The following ANKFY1 variants were observed in gnomAD, a reference collection of about 807,000 sequenced individuals.
ANKFY1 encodes ankyrin repeat and FYVE domain-containing protein 1.
In ANKFY1, 47 loss-of-function variants were observed where a neutral mutation model predicts 128.3. That is an observed-to-expected ratio of 0.37 (90% CI 0.29 to 0.47). ANKFY1 has a LOEUF of 0.47. Among genes scored for constraint, ANKFY1 ranks in the 20% least tolerant of loss-of-function variants. ANKFY1 has a pLI of 1.00. For missense variants in ANKFY1, 1,222 were observed against 1,510.6 expected, an observed-to-expected ratio of 0.81 and a Z score of 3.17; for synonymous variants, 553 against 601.6, an observed-to-expected ratio of 0.92 and a Z score of 1.18.
intron 3 of ANKFY1, among the ~76,000 whole-genome samples, chr17:4,225,040 G>A (rs1346344730): frequency 6.9e-6 from 1 of 145,070 alleles, no homozygotes; most frequent in African/African-American, 2.5e-5. Context: ...AAAATTAAAG[G>A]ATTTGTTTTA....
chr17:4,223,399 G>A lies in ANKFY1; in HGVS notation c.323-6281C>T, dbSNP rs1013251462. 1.2e-5 allele frequency: 19 copies of A among 1,568,366 alleles called. No individual in the cohort carries two copies. The East Asian group carries it at 2.0e-4, about 17-fold the overall frequency. On this transcript the variant is annotated intron_variant, in intron 3 of 24. Coordinates refer to ENST00000341657, the MANE Select transcript of ANKFY1 (RefSeq NM_001330063.2). ...GTGGAATGAGCTACCTGGCCAGAACGGAAGTCATCCACAAAGACCTGGCTG... is the reference window on the plus strand; with the variant it reads ...GTGGAATGAGCTACCTGGCCAGAACAGAAGTCATCCACAAAGACCTGGCTG...
At chr17:4,170,660 G>T in intron 23 of ANKFY1, 55 bp downstream of exon 23, 1 of 1,556,128 alleles carries the variant, frequency 6.4e-7, no homozygotes, top group Non-Finnish European at 8.7e-7. Context: ...AATACATGGC[G>T]ATCCCAACAC....
chr17:4,186,252 A>G lies in ANKFY1; in HGVS notation c.1471-1206T>C, dbSNP rs564541918. ...TCTGCCTGCAGTACGGCGCTTGCAT[A>G]AGGTGCCTGCCCTCATCAGAGTTAT... is the stretch of plus-strand genomic sequence containing the variant. On this transcript the variant is annotated intron_variant, in intron 11 of 24. Transcript: ENST00000341657. The G allele has an allele frequency of 3.9e-4, 60 of 152,582 alleles. 1 individual carries two copies. The highest frequency in any genetic ancestry group is 1.2e-3 in the African/African-American group (49 of 41,562). 9.5% of individuals were successfully genotyped at this position (152,582 alleles called of 1,614,324 possible).
rs553041541 is a variant in ANKFY1, at chr17:4,233,367, T to TA, written c.322+2404dup. ...TACATGGTTTCAAAACACTATGCTT[T>TA]AAAAAAAAAAAAAGCTATCCCTCGA... On this transcript the variant is annotated intron_variant, in intron 3 of 24. Transcript: ENST00000341657. Among the ~76,000 whole-genome samples, 110 of 142,930 alleles carry TA rather than the reference T, an allele frequency of 7.7e-4. 1 individual carries two copies. Among genetic ancestry groups the TA allele is most frequent in the South Asian group, 1.5e-3 (7 of 4,542 alleles). The allele number at this position is 142,930 out of a possible 152,430, so 93.8% of individuals were successfully genotyped here. A position where few individuals can be genotyped will look rare whatever the true frequency, so the allele number is the denominator to read the frequency against.
intron 12 of ANKFY1, 26 bp downstream of exon 12, chr17:4,184,792 G>A (rs752523700): frequency 6.2e-7 from 1 of 1,600,444 alleles, no homozygotes; most frequent in Non-Finnish European, 8.5e-7. Context: ...AAGTCAAAAG[G>A]ATGGACAGTA....
rs746429631 is a variant in ANKFY1 at position 4,216,976 on chromosome 17, G to C, written c.458+7C>G. 3.7e-6 allele frequency: 6 copies of C among 1,614,000 alleles called. No homozygotes were observed. Among genetic ancestry groups the C allele is most frequent in the Non-Finnish European group, 4.2e-6 (5 of 1,179,984 alleles). On this transcript the variant is annotated splice_region_variant and intron_variant, in intron 4 of 24. Coordinates refer to ENST00000341657, the MANE Select transcript of ANKFY1 (RefSeq NM_001330063.2). ...TGAGGTGCTTGAATATATCTGCTGT[G>C]ACTTGCCTCTCCCTGAGGAGCTGTA...
At chr17:4,253,065 CA>C (rs1302558769) in intron 1 of ANKFY1, among the ~76,000 whole-genome samples, 1 of 152,118 alleles carries the variant, frequency 6.6e-6, no homozygotes, top group African/African-American at 2.4e-5. Context: ...ACTAAAAATA[CA>C]AAAATTAGCC....
intron 1 of ANKFY1, among the ~76,000 whole-genome samples, chr17:4,253,832 T>TA (rs1207656073): frequency 2.6e-5 from 4 of 152,176 alleles, no homozygotes; most frequent in African/African-American, 9.7e-5. Flanking sequence ...TCTGACTTAA[T>TA]AAACTACACG....
chr17:4,187,053 C>T lies in ANKFY1; in HGVS notation c.1471-2007G>A, dbSNP rs140733138. 7.2e-4 allele frequency: 879 copies of T among 1,215,940 alleles called. 6 individuals carry two copies. In the African/African-American group the frequency reaches 0.012, roughly 17 times the overall value. 75.3% of individuals were successfully genotyped at this position (1,215,940 alleles called of 1,614,324 possible). A position where few individuals can be genotyped will look rare whatever the true frequency, so the allele number is the denominator to read the frequency against. ...GGGGTACAGGTGGTTTCTGGTTCCA[C>T]GGATAAGTTCTTCGGTGGTGATTTC... On this transcript the variant is annotated intron_variant, in intron 11 of 24. Coordinates refer to ENST00000341657, the MANE Select transcript of ANKFY1 (RefSeq NM_001330063.2).
intron 4 of ANKFY1, among the ~76,000 whole-genome samples, chr17:4,213,050 C>T (rs2060162232): frequency 6.6e-6 from 1 of 152,036 alleles, no homozygotes; most frequent in Non-Finnish European, 1.5e-5. Context: ...GCTGGGATTA[C>T]AGGCGTGAGC....
chr17:4,194,941 A>T, intron 10 of ANKFY1, 37 bp downstream of exon 10: 1 of 1,610,520 alleles, frequency 6.2e-7, no homozygotes, highest in Non-Finnish European at 8.5e-7. Context: ...GCGCCTGCAG[A>T]CCCCAGCGTC....
intron 1 of ANKFY1, among the ~76,000 whole-genome samples, chr17:4,250,095 A>T (rs563776351): frequency 2.6e-5 from 4 of 152,230 alleles, no homozygotes; most frequent in African/African-American, 7.2e-5. Context: ...TTCACCTCCT[A>T]TTCTGACTAC....
At chr17:4,171,346 C>T (rs1001982749) in intron 22 of ANKFY1, among the ~76,000 whole-genome samples, 3 of 152,196 alleles carry the variant, frequency 2.0e-5, no homozygotes, top group South Asian at 2.1e-4. Flanking sequence ...TTCTTCCACC[C>T]CGTGGAGCCC....
intron 10 of ANKFY1, among the ~76,000 whole-genome samples, chr17:4,193,718 C>T (rs1478485728): frequency 3.3e-5 from 5 of 151,468 alleles, no homozygotes; most frequent in South Asian, 2.1e-4. Context: ...TGAGCCACTG[C>T]GCCTGGCTGA....
At chr17:4,176,313 G>A (rs181579791) in intron 19 of ANKFY1, among the ~76,000 whole-genome samples, 71 of 152,330 alleles carry the variant, frequency 4.7e-4, no homozygotes, top group Admixed American at 1.1e-3. Flanking sequence ...GTGCCTTAGC[G>A]GCCAGTTCTG....
chr17:4,187,206 G>A, intron 11 of ANKFY1: 1 of 411,628 alleles, frequency 2.4e-6, no homozygotes, highest in Non-Finnish European at 4.2e-6. Context: ...TGCACCACAG[G>A]GGTTTTAACA....
chr17:4,236,550 ATTTATG>A (rs56280115), intron 2 of ANKFY1, among the ~76,000 whole-genome samples: 74,878 of 151,288 alleles, frequency 0.49, 20,776 homozygotes, highest in East Asian at 0.75. Context: ...CCAAATAGAT[ATTTATG>A]TTTAACTCTG....
At chr17:4,219,042 T>G (rs1444799455) in intron 3 of ANKFY1, among the ~76,000 whole-genome samples, 1 of 152,156 alleles carries the variant, frequency 6.6e-6, no homozygotes, top group Non-Finnish European at 1.5e-5. Context: ...TGGAAGGATA[T>G]ATACTAAAAT....
At chr17:4,231,999 G>A (rs2060520851) in intron 3 of ANKFY1, among the ~76,000 whole-genome samples, 1 of 151,716 alleles carries the variant, frequency 6.6e-6, no homozygotes, top group Non-Finnish European at 1.5e-5. Context: ...AGAAAAATGT[G>A]GAGTTTTTCT....
Sources: allele counts gnomAD v4.1 joint callset (sites outside exome capture counted in the v4.1 genomes callset), GRCh38; gene constraint gnomAD v4.1.1; transcripts MANE v1.5; gene names NCBI Gene and HGNC (gene_info 2026-07-23, HGNC 2026-07-21).